The following CSMD1 variants were observed in gnomAD, a reference collection of about 807,000 sequenced individuals.
The protein encoded by CSMD1 is CUB and sushi domain-containing protein 1.
A neutral mutation model predicts 417.5 loss-of-function variants in CSMD1; 213 were observed. The ratio of observed to expected loss-of-function variants is 0.51; its 90% CI spans 0.46 to 0.57. CSMD1 has a LOEUF of 0.57. CSMD1 is among the 20% of genes least tolerant of loss of function. The pLI is 0.00. For synonymous variants in CSMD1, 2,862 were observed against 1,736.8 expected, an observed-to-expected ratio of 1.65 and a Z score of -16.11; for missense variants, 6,923 against 4,529.7, an observed-to-expected ratio of 1.53 and a Z score of -15.17.
chr8:4,158,309 G>T (rs1455148902), intron 3 of CSMD1, among the ~76,000 whole-genome samples: 2 of 151,958 alleles, frequency 1.3e-5, no homozygotes, highest in African/African-American at 4.8e-5. Flanking sequence ...AGCCCTTGGA[G>T]GAAGGATGCA....
At position 4,430,593 on chromosome 8, in the gene CSMD1, T is replaced by C. The variant is rs530625263; in HGVS notation, c.303-10528A>G. Among the ~76,000 whole-genome samples, 239 of 152,282 alleles carry C rather than the reference T, an allele frequency of 1.6e-3. 1 individual carries two copies. Among genetic ancestry groups the C allele is most frequent in the African/African-American group, 5.4e-3 (223 of 41,558 alleles). On this transcript the variant is annotated intron_variant, in intron 2 of 69. Transcript: ENST00000635120. ...GAAAATAAATTTTCCCCAAATTGCA[T>C]TCTAGACAAGTTTGTCAAGAATTCA...
At chr8:4,562,255 C>G (rs1798377008) in intron 2 of CSMD1, among the ~76,000 whole-genome samples, 1 of 152,150 alleles carries the variant, frequency 6.6e-6, no homozygotes, top group East Asian at 1.9e-4. Context: ...GGGAAATACA[C>G]AGGCATCATT....
intron 3 of CSMD1, among the ~76,000 whole-genome samples, chr8:4,081,534 G>A (rs552580601): frequency 6.8e-4 from 104 of 152,210 alleles, no homozygotes; most frequent in South Asian, 1.7e-3. Flanking sequence ...ACCAACCACC[G>A]GAAAGGAACC....
intron 12 of CSMD1, among the ~76,000 whole-genome samples, chr8:3,465,339 G>A (rs999882029): frequency 2.6e-5 from 4 of 152,286 alleles, no homozygotes; most frequent in African/African-American, 9.6e-5. Context: ...GAGGAGAGAG[G>A]ATTGTCTTTG....
At chr8:4,163,263 C>T (rs191234490) in intron 3 of CSMD1, among the ~76,000 whole-genome samples, 1 of 152,212 alleles carries the variant, frequency 6.6e-6, no homozygotes, top group East Asian at 1.9e-4. Context: ...AGTGTGCTTC[C>T]TGGACTGCAT....
At chr8:3,944,355 C>A (rs1278671833) in intron 5 of CSMD1, among the ~76,000 whole-genome samples, 1 of 151,976 alleles carries the variant, frequency 6.6e-6, no homozygotes, top group Non-Finnish European at 1.5e-5. Context: ...AATTTTTGTA[C>A]CAAAATAAGA....
intron 3 of CSMD1, among the ~76,000 whole-genome samples, chr8:4,084,480 C>T (rs1800314813): frequency 6.6e-6 from 1 of 152,170 alleles, no homozygotes; most frequent in African/African-American, 2.4e-5. Context: ...TTTAAAACAT[C>T]TTTCATTAAG....
chr8:3,358,163 C>A (rs1421931869), intron 21 of CSMD1, among the ~76,000 whole-genome samples: 1 of 152,190 alleles, frequency 6.6e-6, no homozygotes, highest in African/African-American at 2.4e-5. Flanking sequence ...TATCTTCAGA[C>A]CTTCCCCACC....
At chr8:4,210,246 C>A (rs954113584) in intron 3 of CSMD1, among the ~76,000 whole-genome samples, 1 of 152,204 alleles carries the variant, frequency 6.6e-6, no homozygotes, top group Non-Finnish European at 1.5e-5. Context: ...ACAGGAGGGG[C>A]AGAGGACTGC....
intron 1 of CSMD1, among the ~76,000 whole-genome samples, chr8:4,721,117 T>G (rs1343633172): frequency 6.6e-6 from 1 of 152,172 alleles, no homozygotes; most frequent in Non-Finnish European, 1.5e-5. Context: ...CTTTGGAAAC[T>G]TACAAATGCA....
chr8:3,134,204 C>T (rs1817950367), intron 41 of CSMD1, among the ~76,000 whole-genome samples: 1 of 151,998 alleles, frequency 6.6e-6, no homozygotes, highest in Admixed American at 6.5e-5. Context: ...AAAAGAAAAA[C>T]AAAAGAAAGA....
chr8:4,287,227 T>C (rs905286318), intron 3 of CSMD1, among the ~76,000 whole-genome samples: 2 of 152,214 alleles, frequency 1.3e-5, no homozygotes, highest in African/African-American at 4.8e-5. Flanking sequence ...CTTGCCTCTA[T>C]TTCCTGGCAA....
At chr8:4,991,968 C>T (rs1464209377) in intron 1 of CSMD1, among the ~76,000 whole-genome samples, 1 of 152,176 alleles carries the variant, frequency 6.6e-6, no homozygotes, top group African/African-American at 2.4e-5. Flanking sequence ...TACGTCCGAG[C>T]GTCCTGGACC....
chr8:3,998,088 G>T lies in CSMD1; in HGVS notation c.633C>A (p.Thr211=). Residue 211 remains threonine, a synonymous_variant, in exon 5 of 70, where the codon ACC becomes ACA. Transcript: ENST00000635120. Reference sequence around the variant, plus strand: ...AGATGGAGCTGCTGGTCCCGCGTAAGGTTCCTCCGCAGGCTCCCTCAGCTG... The same window carrying T: ...AGATGGAGCTGCTGGTCCCGCGTAATGTTCCTCCGCAGGCTCCCTCAGCTG... ...FCRAEGACGG[T]LRGTSSSISS... is the part of the protein sequence containing the mutation. The T allele has an allele frequency of 6.3e-7, 1 of 1,579,372 alleles. No individual in the cohort carries two copies. The highest frequency in any genetic ancestry group is 1.2e-5 in the South Asian group (1 of 86,480).
At chr8:3,961,620 C>T (rs1489836450) in intron 5 of CSMD1, among the ~76,000 whole-genome samples, 2 of 152,118 alleles carry the variant, frequency 1.3e-5, no homozygotes, top group Non-Finnish European at 2.9e-5. Context: ...CCATTTGTAA[C>T]ACAAAATCTG....
At chr8:3,766,087 C>T (rs1798253658) in intron 5 of CSMD1, among the ~76,000 whole-genome samples, 1 of 152,182 alleles carries the variant, frequency 6.6e-6, no homozygotes, top group Non-Finnish European at 1.5e-5. Context: ...TGGGAAATGG[C>T]TCAGACAGAC....
intron 6 of CSMD1, among the ~76,000 whole-genome samples, chr8:3,729,590 C>G (rs1042030159): frequency 2.0e-5 from 3 of 152,106 alleles, no homozygotes; most frequent in African/African-American, 7.2e-5. Flanking sequence ...TCATGACAAC[C>G]TGCTGGAAGC....
chr8:4,548,566 TTTC>T (rs1196744623), intron 2 of CSMD1, among the ~76,000 whole-genome samples: 1 of 152,132 alleles, frequency 6.6e-6, no homozygotes, highest in Non-Finnish European at 1.5e-5. Flanking sequence ...TGCACAAGCT[TTTC>T]TTTTTAAATA....
chr8:3,423,446 T>C (rs940336194), intron 12 of CSMD1, among the ~76,000 whole-genome samples: 3 of 152,242 alleles, frequency 2.0e-5, no homozygotes, highest in Admixed American at 1.3e-4. Flanking sequence ...TTTTTGTCTC[T>C]GGTTTCTTTC....
Sources: allele counts gnomAD v4.1 joint callset (sites outside exome capture counted in the v4.1 genomes callset), GRCh38; gene constraint gnomAD v4.1.1; transcripts MANE v1.5; gene names NCBI Gene and HGNC (gene_info 2026-07-23, HGNC 2026-07-21).